TMEM117: variants seen among roughly 807,000 people sequenced by gnomAD.
TMEM117 encodes transmembrane protein 117.
TMEM117 carries 27 observed loss-of-function variants against 52.4 expected under a neutral mutation model. That is an observed-to-expected ratio of 0.51 (90% CI 0.38 to 0.71). The LOEUF (loss-of-function observed/expected upper bound fraction) is 0.71, where lower values mean the gene tolerates loss of function less well. Among genes scored for constraint, TMEM117 ranks in the 30% least tolerant of loss-of-function variants. The pLI is 0.00. For synonymous variants in TMEM117, 215 were observed against 206.3 expected (o/e 1.04, Z -0.36); for missense variants, 556 against 630.5 (o/e 0.88, Z 1.26).
intron 4 of TMEM117, among the ~76,000 whole-genome samples, chr12:44,159,007 G>C (rs1948864503): frequency 6.6e-6 from 1 of 152,160 alleles, no homozygotes; most frequent in South Asian, 2.1e-4. Flanking sequence ...AGACTGGGGT[G>C]ATGCATGTTT....
At chr12:44,278,977 T>C (rs2138588652) in intron 5 of TMEM117, among the ~76,000 whole-genome samples, 1 of 152,354 alleles carries the variant, frequency 6.6e-6, no homozygotes, top group South Asian at 2.1e-4. Flanking sequence ...TTCATTACAG[T>C]TAGAAGTACA....
chr12:43,997,843 C>T (rs1946056602), intron 3 of TMEM117, among the ~76,000 whole-genome samples: 1 of 152,132 alleles, frequency 6.6e-6, no homozygotes, highest in Admixed American at 6.5e-5. Context: ...AACTGAGCCT[C>T]AGAGAGCTTT....
At position 44,025,652 on chromosome 12, in the gene TMEM117, A is replaced by G. The variant is rs78677365; in HGVS notation, c.410+81310A>G. 1.5e-3 allele frequency among the ~76,000 whole-genome samples: 231 copies of G among 152,306 alleles called. 4 individuals are homozygous for G. In the East Asian group the frequency reaches 0.036, roughly 24 times the overall value. On this transcript the variant is annotated intron_variant, in intron 3 of 7. Transcript: ENST00000266534. ...TCAGCTGTTGTATTTTCGAAAAAAA[A>G]TGTTGCTGGCAGCCTGTTGGAACAT...
intron 6 of TMEM117, among the ~76,000 whole-genome samples, chr12:44,338,121 C>CATT (rs1951366602): frequency 6.6e-6 from 1 of 151,834 alleles, no homozygotes; most frequent in South Asian, 2.1e-4. Context: ...TAAAAACAGA[C>CATT]CTTGACCCTC....
chr12:44,243,242 G>T (rs536795301), intron 5 of TMEM117, among the ~76,000 whole-genome samples: 1 of 151,504 alleles, frequency 6.6e-6, no homozygotes, highest in African/African-American at 2.4e-5. Flanking sequence ...AATCTCTCTT[G>T]TATTTATTTG....
intron 5 of TMEM117, among the ~76,000 whole-genome samples, chr12:44,283,368 G>T (rs961545113): frequency 6.6e-6 from 1 of 152,146 alleles, no homozygotes; most frequent in Non-Finnish European, 1.5e-5. Context: ...CCAAGAGGGA[G>T]TCTGTCCACT....
chr12:43,947,097 G>GATC (rs1945145768), intron 3 of TMEM117, among the ~76,000 whole-genome samples: 2 of 152,206 alleles, frequency 1.3e-5, no homozygotes, highest in African/African-American at 4.8e-5. Flanking sequence ...GCTTTGGGAG[G>GATC]CTGAGGCAGC....
chr12:44,314,879 A>C (rs763358252), intron 6 of TMEM117, among the ~76,000 whole-genome samples: 1 of 152,172 alleles, frequency 6.6e-6, no homozygotes, highest in East Asian at 1.9e-4. Flanking sequence ...CTGTGAATCC[A>C]TCTGATCCAG....
intron 3 of TMEM117, among the ~76,000 whole-genome samples, chr12:44,093,237 CATT>C (rs879571551): frequency 2.6e-5 from 4 of 152,026 alleles, no homozygotes; most frequent in Non-Finnish European, 5.9e-5. Flanking sequence ...GAATTACTAA[CATT>C]ATTCAAATTA....
chr12:43,846,227 G>A (rs1943205537), intron 2 of TMEM117, among the ~76,000 whole-genome samples: 1 of 152,078 alleles, frequency 6.6e-6, no homozygotes, highest in South Asian at 2.1e-4. Context: ...AGTTAAAAAG[G>A]TAACTTACTA....
chr12:44,148,818 T>C (rs1456187758), intron 4 of TMEM117, among the ~76,000 whole-genome samples: 1 of 152,188 alleles, frequency 6.6e-6, no homozygotes, highest in East Asian at 1.9e-4. Flanking sequence ...AATAAATAGA[T>C]CATAACAGCA....
At chr12:44,007,508 T>C (rs1946218251) in intron 3 of TMEM117, among the ~76,000 whole-genome samples, 1 of 152,194 alleles carries the variant, frequency 6.6e-6, no homozygotes, top group Non-Finnish European at 1.5e-5. Context: ...AGTGAGTTTC[T>C]TTCTCTCAAC....
chr12:43,884,146 AAAAG>A (rs1312939235), intron 2 of TMEM117, among the ~76,000 whole-genome samples: 21 of 151,786 alleles, frequency 1.4e-4, no homozygotes, highest in African/African-American at 3.6e-4. Context: ...AAAAAAAAAA[AAAAG>A]AAAGAAAGAA....
At chr12:43,971,660 A>G (rs1945589566) in intron 3 of TMEM117, among the ~76,000 whole-genome samples, 3 of 152,190 alleles carry the variant, frequency 2.0e-5, no homozygotes, top group African/African-American at 7.2e-5. Context: ...CTGTGTGTTC[A>G]CATGGAACCA....
intron 3 of TMEM117, among the ~76,000 whole-genome samples, chr12:43,987,610 C>T (rs530096953): frequency 2.1e-4 from 32 of 150,240 alleles, no homozygotes; most frequent in African/African-American, 7.8e-4. Context: ...ACATATTAAT[C>T]TAATGGACAA....
At chr12:44,011,947 A>G (rs1946298233) in intron 3 of TMEM117, among the ~76,000 whole-genome samples, 1 of 152,204 alleles carries the variant, frequency 6.6e-6, no homozygotes, top group Non-Finnish European at 1.5e-5. Context: ...ATGGAATGGG[A>G]TGGTGTGAGA....
intron 5 of TMEM117, among the ~76,000 whole-genome samples, chr12:44,232,548 G>C (rs950095113): frequency 6.6e-5 from 10 of 151,360 alleles, no homozygotes; most frequent in African/African-American, 2.4e-4. Flanking sequence ...TTCTTCAAGA[G>C]TATCTTCATA....
At chr12:44,202,096 A>G (rs903815081) in intron 4 of TMEM117, among the ~76,000 whole-genome samples, 1 of 152,022 alleles carries the variant, frequency 6.6e-6, no homozygotes, top group African/African-American at 2.4e-5. Flanking sequence ...TGTTAATAGG[A>G]AAAATAATAA....
chr12:44,031,696 T>C (rs1946635119), intron 3 of TMEM117, among the ~76,000 whole-genome samples: 1 of 152,234 alleles, frequency 6.6e-6, no homozygotes, highest in Non-Finnish European at 1.5e-5. Context: ...TAAAGTATAC[T>C]CAAGAACAAA....
Sources: allele counts gnomAD v4.1 joint callset (sites outside exome capture counted in the v4.1 genomes callset), GRCh38; gene constraint gnomAD v4.1.1; transcripts MANE v1.5; gene names NCBI Gene and HGNC (gene_info 2026-07-23, HGNC 2026-07-21).